Variants in ZNF560 observed in about 807,000 individuals in gnomAD.
The protein encoded by ZNF560 is zinc finger protein 560.
ZNF560 carries 54 observed loss-of-function variants against 81.8 expected under a neutral mutation model. The observed-to-expected ratio is 0.66, with a 90% confidence interval of 0.53 to 0.83. The LOEUF (loss-of-function observed/expected upper bound fraction) is 0.83. Ranked by LOEUF, ZNF560 falls within the 40% of genes least tolerant of loss-of-function variation. The probability of loss-of-function intolerance (pLI) is 0.00; values close to 1 mark genes in which losing one functional copy is unlikely to be tolerated. For synonymous variants in ZNF560, 321 were observed against 317.9 expected (o/e 1.01, Z -0.10); for missense variants, 940 against 932.4 (o/e 1.01, Z -0.11).
Position 9,475,361 on chromosome 19 carries a change from TAGAAAG to T in ZNF560, c.-54_-49del, listed in dbSNP as rs757420255. 50 of 1,597,774 alleles carry T rather than the reference TAGAAAG, an allele frequency of 3.1e-5. No homozygotes were observed. The highest frequency in any genetic ancestry group is 4.3e-6 in the Non-Finnish European group (5 of 1,167,338). ...TCTTCATGAAGGCAGATTGGGTTCC[TAGAAAG>T]ACCTGGAAAAGAAAGAAGGCATAAG... On this transcript the variant is annotated splice_region_variant and 5_prime_UTR_variant, in exon 3 of 10. Transcript: ENST00000301480.
Position 9,466,488 on chromosome 19 carries a change from T to G in ZNF560, c.*86A>C. The G allele has an allele frequency of 7.8e-7, 1 of 1,277,702 alleles. No homozygotes were observed. The highest frequency in any genetic ancestry group is 1.1e-6 in the Non-Finnish European group (1 of 918,746). 79.1% of individuals were successfully genotyped at this position (1,277,702 alleles called of 1,614,324 possible). A position where few individuals can be genotyped will look rare whatever the true frequency, so the allele number is the denominator to read the frequency against. Reference sequence around the variant, plus strand: ...CATTCCTTACATTGATAGTGTTACTTTCTCCTGTGAATTTTTACATGTTCA... The same window carrying G: ...CATTCCTTACATTGATAGTGTTACTGTCTCCTGTGAATTTTTACATGTTCA... On this transcript the variant is annotated 3_prime_UTR_variant, in exon 10 of 10. Transcript: ENST00000301480.
At chr19:9,481,820 TTGG>T (rs2073293940) in intron 2 of ZNF560, among the ~76,000 whole-genome samples, 1 of 152,240 alleles carries the variant, frequency 6.6e-6, no homozygotes, top group African/African-American at 2.4e-5. Context: ...TTCTACACTG[TTGG>T]TGGGAGTGTA....
intron 2 of ZNF560, among the ~76,000 whole-genome samples, chr19:9,479,700 C>G (rs920639044): frequency 2.0e-5 from 3 of 151,984 alleles, no homozygotes; most frequent in Non-Finnish European, 4.4e-5. Flanking sequence ...TTTCCCTGCT[C>G]ATTATTCCCC....
intron 2 of ZNF560, among the ~76,000 whole-genome samples, chr19:9,496,466 C>T (rs1331950212): frequency 3.3e-5 from 5 of 151,212 alleles, no homozygotes. Context: ...CCTCGTGATC[C>T]ACCTGCCTCA....
At chr19:9,453,689 T>C in the ZNF560 span, among the ~76,000 whole-genome samples, 5 of 152,120 alleles carry the variant, frequency 3.3e-5, no homozygotes, top group African/African-American at 2.4e-5. Flanking sequence ...CTACAAAATA[T>C]AAAAATAATT....
chr19:9,457,472 T>A, the ZNF560 span, among the ~76,000 whole-genome samples: 1 of 152,208 alleles, frequency 6.6e-6, no homozygotes, highest in Non-Finnish European at 1.5e-5. Flanking sequence ...TTTGCCAGAC[T>A]TATGTAGGGC....
At chr19:9,481,619 G>A (rs958796363) in intron 2 of ZNF560, among the ~76,000 whole-genome samples, 1 of 152,158 alleles carries the variant, frequency 6.6e-6, no homozygotes, top group Non-Finnish European at 1.5e-5. Context: ...CAAAGGACAT[G>A]AACAGACACT....
the ZNF560 span, among the ~76,000 whole-genome samples, chr19:9,448,561 C>T: frequency 6.6e-5 from 10 of 151,842 alleles, no homozygotes; most frequent in South Asian, 1.0e-3. Flanking sequence ...AACATGAAGA[C>T]GAAAGAATGA....
chr19:9,456,572 G>A, the ZNF560 span, among the ~76,000 whole-genome samples: 16 of 152,242 alleles, frequency 1.1e-4, no homozygotes, highest in Non-Finnish European at 1.3e-4. Flanking sequence ...ACTATTCAGC[G>A]AAAGAAATTT....
chr19:9,471,848 C>T (rs1046509881), intron 5 of ZNF560, among the ~76,000 whole-genome samples: 16 of 152,286 alleles, frequency 1.1e-4, no homozygotes, highest in African/African-American at 2.4e-4. Context: ...TGGTGGCTTA[C>T]GCCTGTAATC....
At chr19:9,484,294 A>C (rs1030392737) in intron 2 of ZNF560, among the ~76,000 whole-genome samples, 1 of 152,018 alleles carries the variant, frequency 6.6e-6, no homozygotes, top group African/African-American at 2.4e-5. Flanking sequence ...TCAATTAAAA[A>C]AAAAAAAAAG....
Position 9,466,859 on chromosome 19 carries a change from G to A in ZNF560, c.2088C>T (p.Ser696=), listed in dbSNP as rs267605822. The A allele has an allele frequency of 6.2e-7, 1 of 1,614,024 alleles. No individual in the cohort carries two copies. Among genetic ancestry groups the A allele is most frequent in the Non-Finnish European group, 8.5e-7 (1 of 1,180,004 alleles). ...CNACGNSFRN[S]MCFHDRLKTL... The stretch of plus-strand genomic sequence containing the variant: ...TTTTTAAGCGATCATGAAAGCACAT[G>A]GAATTTCGAAAGGAATTTCCACATG... The change falls in exon 10 of 10, where the codon TCC becomes TCT. Residue 696 remains serine, a synonymous_variant. Transcript: ENST00000301480.
the ZNF560 span, among the ~76,000 whole-genome samples, chr19:9,504,470 A>C: frequency 2.4e-4 from 36 of 152,258 alleles, no homozygotes; most frequent in Non-Finnish European, 4.3e-4. Flanking sequence ...AAATTTCCTG[A>C]GACTCATTCT....
chr19:9,446,837 T>C, the ZNF560 span, among the ~76,000 whole-genome samples: 2 of 152,126 alleles, frequency 1.3e-5, no homozygotes, highest in African/African-American at 4.8e-5. Flanking sequence ...GGGATTTGGA[T>C]ATCAGTGACT....
At chr19:9,502,483 T>G (rs1413653853), upstream of ZNF560, among the ~76,000 whole-genome samples, 1 of 152,210 alleles carries the variant, frequency 6.6e-6, no homozygotes, top group Admixed American at 6.5e-5. Flanking sequence ...GTGCTGGGAT[T>G]ACAGGCATGA....
In ZNF560 at chr19:9,466,547, C is replaced by G; in HGVS notation, c.*27G>C. ...TGAGGAAACAGCAAAGGTTTTTCCACATTCTTCACATCCACAGGGCTTCTC... is the reference window on the plus strand; with the variant it reads ...TGAGGAAACAGCAAAGGTTTTTCCAGATTCTTCACATCCACAGGGCTTCTC... On this transcript the variant is annotated 3_prime_UTR_variant, in exon 10 of 10. Transcript: ENST00000301480. 2 of 1,538,378 alleles carry G rather than the reference C, an allele frequency of 1.3e-6. No homozygotes were observed. Among genetic ancestry groups the G allele is most frequent in the South Asian group, 2.6e-5 (2 of 77,860 alleles).
At chr19:9,472,541 C>T (rs982193500) in intron 5 of ZNF560, among the ~76,000 whole-genome samples, 7 of 152,172 alleles carry the variant, frequency 4.6e-5, no homozygotes, top group East Asian at 3.8e-4. Context: ...ATTTAGTTTG[C>T]GCGCTCCTTT....
At chr19:9,504,425 A>T in the ZNF560 span, among the ~76,000 whole-genome samples, 1 of 151,802 alleles carries the variant, frequency 6.6e-6, no homozygotes, top group African/African-American at 2.4e-5. Flanking sequence ...ACAGAACAAG[A>T]CTCTGTCTCA....
chr19:9,482,453 A>AGAAGGAAGGAAGGAAG (rs550271982), intron 2 of ZNF560, among the ~76,000 whole-genome samples: 7 of 148,528 alleles, frequency 4.7e-5, no homozygotes, highest in Non-Finnish European at 7.5e-5. Context: ...GGGAAGGGGG[A>AGAAGGAAGGAAGGAAG]GAAGGAAGGA....
Sources: allele counts gnomAD v4.1 joint callset (sites outside exome capture counted in the v4.1 genomes callset), GRCh38; gene constraint gnomAD v4.1.1; transcripts MANE v1.5; gene names NCBI Gene and HGNC (gene_info 2026-07-23, HGNC 2026-07-21).